The following GMEB2 variants were observed in gnomAD, a reference collection of about 807,000 sequenced individuals.
The protein encoded by GMEB2 is glucocorticoid modulatory element binding protein 2.
A neutral mutation model predicts 45.7 loss-of-function variants in GMEB2; 7 were observed. The observed-to-expected ratio is 0.15, with a 90% CI of 0.09 to 0.29. The LOEUF (loss-of-function observed/expected upper bound fraction) is 0.29, where lower values mean the gene tolerates loss of function less well. Ranked by LOEUF, GMEB2 falls within the 10% of genes least tolerant of loss-of-function variation. GMEB2 has a pLI of 1.00. For missense variants in GMEB2, 582 were observed against 739.2 expected (o/e 0.79, Z 2.47); for synonymous variants, 322 against 323.6 (o/e 1.00, Z 0.05).
intron 1 of GMEB2, among the ~76,000 whole-genome samples, chr20:63,625,772 A>G (rs2089666926): frequency 6.6e-6 from 1 of 151,752 alleles, no homozygotes; most frequent in South Asian, 2.1e-4. Context: ...TAACTTTTGT[A>G]TTTTTAGTAG....
Position 63,600,001 on chromosome 20 carries a change from T to C in GMEB2, c.358-2141A>G, listed in dbSNP as rs1456887197. Among the ~76,000 whole-genome samples the C allele has an allele frequency of 3.3e-5, 5 of 152,274 alleles. No individual in the cohort carries two copies. The East Asian group carries it at 5.8e-4, about 18-fold the overall frequency. On this transcript the variant is annotated intron_variant, in intron 4 of 9. Coordinates refer to ENST00000370077, the MANE Select transcript of GMEB2 (RefSeq NM_012384.5). ...TTATTCTCTAATCCATTGTCCATAG[T>C]CAAATTCATGAATTGTTCCAATGAT... is the stretch of plus-strand genomic sequence containing the variant.
At chr20:63,613,123 T>C (rs1300551278) in intron 2 of GMEB2, among the ~76,000 whole-genome samples, 5 of 152,062 alleles carry the variant, frequency 3.3e-5, no homozygotes, top group Non-Finnish European at 4.4e-5. Flanking sequence ...CATTGGGTGT[T>C]TTCTTAAACA....
chr20:63,592,281 G>T lies in GMEB2; in HGVS notation c.830-137C>A. On this transcript the variant is annotated intron_variant, in intron 8 of 9. Coordinates refer to ENST00000370077, the MANE Select transcript of GMEB2 (RefSeq NM_012384.5). This position sits in a 1 kb window ranked among gnomAD's most constrained non-coding sequence, Gnocchi z 8.2. ...AGAGCCTGGGCTCTTCCTAGAGAGT[G>T]AGAACACCACCACTGAGGCTGCTCC... The T allele has an allele frequency of 1.2e-6, 1 of 826,468 alleles. No homozygotes were observed. Among genetic ancestry groups the T allele is most frequent in the East Asian group, 2.6e-5 (1 of 38,108 alleles). The allele number at this position is 826,468 out of a possible 1,614,324, so 51.2% of individuals were successfully genotyped here. A position where few individuals can be genotyped will look rare whatever the true frequency, so the allele number is the denominator to read the frequency against.
At chr20:63,612,013 G>A (rs2089574984) in intron 2 of GMEB2, among the ~76,000 whole-genome samples, 1 of 152,190 alleles carries the variant, frequency 6.6e-6, no homozygotes, top group East Asian at 1.9e-4. Flanking sequence ...CCGTGACTGT[G>A]CCACTGCACT....
intron 3 of GMEB2, among the ~76,000 whole-genome samples, chr20:63,604,200 GAA>G (rs35469694): frequency 0.067 from 8,024 of 118,904 alleles, 262 homozygotes; most frequent in South Asian, 0.11. Flanking sequence ...CCTATTTCTT[GAA>G]AAAAAAAAAA....
At chr20:63,597,423 T>C (rs1329529311) in intron 5 of GMEB2, among the ~76,000 whole-genome samples, 2 of 152,266 alleles carry the variant, frequency 1.3e-5, no homozygotes, top group East Asian at 3.9e-4. Flanking sequence ...CTCAGCCTCC[T>C]AAAGTGTTGG....
At chr20:63,606,135 G>A (rs1265297203) in intron 2 of GMEB2, among the ~76,000 whole-genome samples, 1 of 152,010 alleles carries the variant, frequency 6.6e-6, no homozygotes, top group Admixed American at 6.5e-5. Context: ...AAGTCACTAT[G>A]GCCCAACCTC....
Position 63,603,059 on chromosome 20 carries a change from G to C in GMEB2, c.263C>G (p.Ala88Gly). 2 of 1,613,972 alleles carry C rather than the reference G, an allele frequency of 1.2e-6. No individual in the cohort carries two copies. Among genetic ancestry groups the C allele is most frequent in the Non-Finnish European group, 1.7e-6 (2 of 1,179,878 alleles). ...KMAEEGENLE[A>G]EIVYPITCGD... ...ACAGGTGATGGGGTACACAATCTCA[G>C]CTTCCAGGTTCTCCCCCTCTTCAGC... The change falls in exon 4 of 10, where the codon GCT (alanine) becomes GGT (glycine). Residue 88 changes from alanine (A) to glycine (G), a missense_variant. By Grantham distance (60) the Ala-to-Gly change is moderately conservative. Transcript: ENST00000370077.
intron 2 of GMEB2, among the ~76,000 whole-genome samples, chr20:63,617,044 G>A (rs1164182712): frequency 2.0e-5 from 3 of 151,378 alleles, no homozygotes; most frequent in Admixed American, 1.3e-4. Flanking sequence ...GCACGATCAC[G>A]GCTCACTGCT....
chr20:63,612,743 C>G (rs979001176), intron 2 of GMEB2, among the ~76,000 whole-genome samples: 7 of 150,712 alleles, frequency 4.6e-5, no homozygotes, highest in Non-Finnish European at 1.0e-4. Context: ...AGGAGAGCCA[C>G]CCAGCCGAGC....
chr20:63,609,318 T>C (rs1171107291), intron 2 of GMEB2, among the ~76,000 whole-genome samples: 1 of 69,022 alleles, frequency 1.4e-5, no homozygotes, highest in Non-Finnish European at 2.9e-5. Context: ...CTGACTCACC[T>C]CCATTTCTAG....
chr20:63,597,969 G>A (rs887236596), intron 4 of GMEB2, 109 bp from the exon 5 acceptor site: 9 of 720,622 alleles, frequency 1.2e-5, no homozygotes, highest in South Asian at 4.5e-5. Context: ...AAAGCGCCAC[G>A]GCACGGCTCT....
At chr20:63,594,180 G>A (rs1192086590) in intron 6 of GMEB2, among the ~76,000 whole-genome samples, 3 of 152,260 alleles carry the variant, frequency 2.0e-5, no homozygotes, top group African/African-American at 7.2e-5. Flanking sequence ...GGCTGGCACA[G>A]CATCTTTTAC....
chr20:63,624,520 A>G (rs996308673), intron 1 of GMEB2, among the ~76,000 whole-genome samples: 4 of 152,186 alleles, frequency 2.6e-5, no homozygotes, highest in African/African-American at 9.6e-5. Context: ...ACTCTCACTG[A>G]GGAGACGCTG....
At chr20:63,605,142 G>A (rs1029925460) in intron 2 of GMEB2, among the ~76,000 whole-genome samples, 3 of 151,906 alleles carry the variant, frequency 2.0e-5, no homozygotes, top group African/African-American at 7.3e-5. Flanking sequence ...TAGAAGTTGG[G>A]GTAGGAGAAC....
chr20:63,595,676 C>A lies in GMEB2; in HGVS notation c.553G>T (p.Ala185Ser). The A allele has an allele frequency of 6.2e-7, 1 of 1,613,616 alleles. No individual in the cohort carries two copies. The highest frequency in any genetic ancestry group is 1.1e-5 in the South Asian group (1 of 91,076). The change falls in exon 6 of 10, where the codon GCC becomes TCC. Residue 185 changes from alanine (A) to serine (S), a missense_variant. This residue lies in a region of GMEB2 where 462 missense variants were observed against 586.7 expected (regional missense o/e 0.79). Coordinates refer to ENST00000370077, the MANE Select transcript of GMEB2 (RefSeq NM_012384.5). Reference sequence around the variant, plus strand: ...GTGGGGCTGCTCAGGGACACACGGGCTCCTGAGAGGTCAATCTTTGTGCTG... The same window carrying A: ...GTGGGGCTGCTCAGGGACACACGGGATCCTGAGAGGTCAATCTTTGTGCTG... ...CRSTKIDLSG[A>S]RVSLSSPTSA...
intron 5 of GMEB2, 67 bp from the exon 6 acceptor site, chr20:63,595,834 C>G: frequency 2.0e-6 from 3 of 1,478,708 alleles, no homozygotes; most frequent in Non-Finnish European, 2.8e-6. Context: ...GCCCGCCCAC[C>G]CTGACCTGGG....
In GMEB2 at chr20:63,627,028, G is replaced by T. The variant is rs973582369; in HGVS notation, c.-130C>A. ...TCGGGAGCTGCGGCGGCGGCGGGCG[G>T]CGGCGGCGGCCGCGGGCTTCGCTCC... On this transcript the variant is annotated 5_prime_UTR_variant, in exon 1 of 10. Transcript: ENST00000370077. The T allele has an allele frequency of 1.3e-5, 2 of 150,654 alleles. No individual in the cohort carries two copies. The highest frequency in any genetic ancestry group is 4.9e-5 in the African/African-American group (2 of 40,852). The allele number at this position is 150,654 out of a possible 1,614,324, so 9.3% of individuals were successfully genotyped here.
rs748008254 is a variant in GMEB2 at position 63,588,064 on chromosome 20, C to T, written c.*2025G>A. 5 of 152,422 alleles carry T rather than the reference C, an allele frequency of 3.3e-5. No homozygotes were observed. Among genetic ancestry groups the T allele is most frequent in the Non-Finnish European group, 5.9e-5 (4 of 68,054 alleles). 9.4% of individuals were successfully genotyped at this position (152,422 alleles called of 1,614,324 possible). The stretch of plus-strand genomic sequence containing the variant: ...AGATGTCCCCGAGGGCCTTGGGAAG[C>T]ACTGGGAATGGGCTCCCAGCCCTGG... On this transcript the variant is annotated 3_prime_UTR_variant, in exon 10 of 10. Transcript: ENST00000370077.
Sources: allele counts gnomAD v4.1 joint callset (sites outside exome capture counted in the v4.1 genomes callset), GRCh38; gene constraint gnomAD v4.1.1; regional missense constraint gnomAD v4.1.1; non-coding constraint Gnocchi (gnomAD v3.1); transcripts MANE v1.5; gene names NCBI Gene and HGNC (gene_info 2026-07-23, HGNC 2026-07-21).